The following NSD2 variants were observed in gnomAD, a reference collection of about 807,000 sequenced individuals.
The protein encoded by NSD2 is nuclear receptor binding SET domain protein 2.
NSD2 carries 12 observed loss-of-function variants against 139.0 expected under a neutral mutation model. The ratio of observed to expected loss-of-function variants is 0.09; its 90% confidence interval spans 0.06 to 0.14. The LOEUF is 0.14. NSD2 is among the 10% of genes least tolerant of loss of function. NSD2 has a pLI of 1.00. For missense variants in NSD2, 1,155 were observed against 1,745.0 expected (o/e 0.66, Z 6.02); for synonymous variants, 669 against 648.7 (o/e 1.03, Z -0.48).
At chr4:1,978,354 T>G (rs1353579858) in intron 21 of NSD2, among the ~76,000 whole-genome samples, 2 of 152,044 alleles carry the variant, frequency 1.3e-5, no homozygotes, top group African/African-American at 4.8e-5. Flanking sequence ...CACGCCGCGC[T>G]GGGGGACACT....
At chr4:1,884,315 C>T (rs1257915585) in intron 1 of NSD2, among the ~76,000 whole-genome samples, 2 of 152,036 alleles carry the variant, frequency 1.3e-5, no homozygotes, top group East Asian at 3.9e-4. Flanking sequence ...AGGCTGGTCT[C>T]GAACTGCTGA....
intron 9 of NSD2, chr4:1,946,893 G>A (rs140646464): frequency 9.4e-7 from 1 of 1,059,318 alleles, no homozygotes; most frequent in Non-Finnish European, 1.1e-6. Context: ...TACGTGTTAG[G>A]TCCACATTTG....
chr4:1,946,955 G>A (rs975007413), intron 9 of NSD2: 35 of 1,060,158 alleles, frequency 3.3e-5, no homozygotes, highest in Middle Eastern at 8.5e-4. Context: ...TATAACTCTC[G>A]GGTAATATTT....
rs764374372 is a variant in NSD2, at chr4:1,978,886, C to T, written c.4075C>T (p.Arg1359Trp). The change falls in exon 22 of 22, where the codon CGG (arginine) becomes TGG (tryptophan). Residue 1359 changes from arginine (R) to tryptophan (W), a missense_variant. By Grantham distance (101) the Arg-to-Trp change is moderately radical (BLOSUM62 -3). Around this residue, in one of 8 missense-constraint regions of NSD2, gnomAD observed 132 missense variants for 94.3 expected, o/e 1.40. Transcript: ENST00000508803. ...GAAGAGGCGGCGGCGGAGGGGCTGG[C>T]GGAGAGTCACAGAGGGCAAATAGCG... is the stretch of plus-strand genomic sequence containing the variant. ...KGKRRRRRGW[R>W]RVTEGK is the part of the protein sequence containing the mutation. 5.9e-5 allele frequency: 93 copies of T among 1,573,752 alleles called. 1 individual carries two copies. The highest frequency in any genetic ancestry group is 7.4e-5 in the Non-Finnish European group (86 of 1,157,448).
intron 1 of NSD2, among the ~76,000 whole-genome samples, chr4:1,873,629 G>C (rs1714032911): frequency 6.6e-6 from 1 of 152,174 alleles, no homozygotes; most frequent in African/African-American, 2.4e-5. Flanking sequence ...ACAGCCTTCT[G>C]CCTATTCAGA....
At position 1,972,076 on chromosome 4, in the gene NSD2, G is replaced by A. The variant is rs760004596; in HGVS notation, c.3373-2787G>A. On this transcript the variant is annotated intron_variant, in intron 18 of 21. Coordinates refer to ENST00000508803, the MANE Select transcript of NSD2 (RefSeq NM_001042424.3). The surrounding 1 kb of genome is among the most constrained non-coding windows in gnomAD (Gnocchi z 4.0). ...AGCAGAGCAGCAAGAGGCAAACAGT[G>A]TCTCTCGGAGAATGTGACGGCTGTG... 3.9e-5 allele frequency among the ~76,000 whole-genome samples: 6 copies of A among 152,194 alleles called. No individual in the cohort carries two copies. The highest frequency in any genetic ancestry group is 7.3e-5 in the Non-Finnish European group (5 of 68,038).
At chr4:1,927,749 A>G (rs866952525) in intron 5 of NSD2, among the ~76,000 whole-genome samples, 2 of 142,698 alleles carry the variant, frequency 1.4e-5, no homozygotes, top group African/African-American at 2.7e-5. Flanking sequence ...AAAAAAAAAA[A>G]GCCGTGTAGG....
chr4:1,924,748 CAAAAA>C (rs57548242), intron 5 of NSD2, among the ~76,000 whole-genome samples: 1 of 130,416 alleles, frequency 7.7e-6, no homozygotes. Flanking sequence ...CTCATCTCTA[CAAAAA>C]AAAAAACAAA....
chr4:1,924,770 CAAG>C (rs1720635878), intron 5 of NSD2, among the ~76,000 whole-genome samples: 2 of 151,144 alleles, frequency 1.3e-5, no homozygotes, highest in Admixed American at 6.6e-5. Flanking sequence ...CAAAACAAAA[CAAG>C]AAAATTAACG....
At chr4:1,893,907 G>C (rs114792920) in intron 1 of NSD2, 1 of 152,180 alleles carries the variant, frequency 6.6e-6, no homozygotes, top group East Asian at 1.9e-4. Flanking sequence ...GTGGTGGCAC[G>C]AGGTGGGCAT....
intron 1 of NSD2, among the ~76,000 whole-genome samples, chr4:1,893,471 T>G (rs77973131): frequency 6.6e-6 from 1 of 151,296 alleles, no homozygotes; most frequent in Non-Finnish European, 1.5e-5. Context: ...TCCGTTTCAA[T>G]AAAAAAATAA....
intron 5 of NSD2, among the ~76,000 whole-genome samples, chr4:1,928,966 G>A (rs941014686): frequency 6.6e-6 from 1 of 152,084 alleles, no homozygotes; most frequent in African/African-American, 2.4e-5. Flanking sequence ...GGCAGGAGTA[G>A]GCATATGCAG....
At chr4:1,890,329 C>T (rs189805238) in intron 1 of NSD2, among the ~76,000 whole-genome samples, 280 of 151,570 alleles carry the variant, frequency 1.8e-3, no homozygotes, top group African/African-American at 6.1e-3. Context: ...GATGGCGTCT[C>T]GCTCTGTCGC....
At chr4:1,957,189 A>AGG (rs1724908538) in intron 15 of NSD2, among the ~76,000 whole-genome samples, 2 of 152,008 alleles carry the variant, frequency 1.3e-5, no homozygotes, top group Non-Finnish European at 2.9e-5. Context: ...GACGGATTGT[A>AGG]GGGGTGTGTG....
intron 9 of NSD2, chr4:1,941,846 A>G (rs1241786472): frequency 3.8e-6 from 4 of 1,057,376 alleles, no homozygotes; most frequent in African/African-American, 1.7e-5. Flanking sequence ...CGACTGAACT[A>G]CAGTAAATGT....
At chr4:1,952,565 G>A (rs960890912) in intron 11 of NSD2, among the ~76,000 whole-genome samples, 2 of 152,204 alleles carry the variant, frequency 1.3e-5, no homozygotes, top group East Asian at 1.9e-4. Flanking sequence ...GGGCACTGCC[G>A]CTCAGACAGT....
At chr4:1,945,078 T>A in intron 9 of NSD2, 1 of 1,066,332 alleles carries the variant, frequency 9.4e-7, no homozygotes, top group Non-Finnish European at 1.1e-6. Context: ...CCACTGCTGC[T>A]TCTTGAGTGG....
intron 18 of NSD2, among the ~76,000 whole-genome samples, chr4:1,970,328 G>C (rs186777528): frequency 1.6e-4 from 25 of 152,214 alleles, no homozygotes; most frequent in Non-Finnish European, 2.9e-4. Flanking sequence ...TCCTCAGAAC[G>C]AGCCAGGGGT....
At chr4:1,896,177 G>A (rs764390103) in intron 1 of NSD2, among the ~76,000 whole-genome samples, 2 of 152,180 alleles carry the variant, frequency 1.3e-5, no homozygotes, top group Admixed American at 6.5e-5. Context: ...CCAGCTGCTC[G>A]CCATGACTCC....
Sources: gnomAD v4.1 joint callset for allele counts (sites outside exome capture counted in the v4.1 genomes callset) on GRCh38, gnomAD v4.1.1 for gene constraint, gnomAD v4.1.1 regional missense constraint, Gnocchi (gnomAD v3.1) non-coding constraint, MANE v1.5 for transcripts, NCBI Gene and HGNC (gene_info 2026-07-23, HGNC 2026-07-21) for gene names.